ADAM28: variants seen among roughly 807,000 people sequenced by gnomAD.
The protein encoded by ADAM28 is ADAM metallopeptidase domain 28.
Under a neutral mutation model 101.2 loss-of-function variants are expected in ADAM28, and 105 were observed. The observed-to-expected ratio is 1.04, with a 90% CI of 0.89 to 1.22. ADAM28 has a LOEUF of 1.22. ADAM28 is among the 50% of genes most tolerant of loss of function. The pLI, the probability that ADAM28 is intolerant of heterozygous loss-of-function variation, is 0.00. For missense variants in ADAM28, 1,028 were observed against 945.4 expected (o/e 1.09, Z -1.15); for synonymous variants, 322 against 310.6 (o/e 1.04, Z -0.39).
At chr8:24,350,250 G>C (rs541561597) in intron 19 of ADAM28, among the ~76,000 whole-genome samples, 1 of 152,106 alleles carries the variant, frequency 6.6e-6, no homozygotes, top group Admixed American at 6.5e-5. Context: ...TGAATTTGTT[G>C]TAAGAATATA....
chr8:24,308,565 C>G (rs867729239), intron 2 of ADAM28: 4 of 453,128 alleles, frequency 8.8e-6, no homozygotes, highest in African/African-American at 8.0e-5. Flanking sequence ...TCTAGCTAGG[C>G]TTTCTTAATC....
chr8:24,335,518 T>G lies in ADAM28; in HGVS notation c.1444T>G (p.Ser482Ala). ...CDLPEMCNGK[S>A]GNCPDDRFQV... ...CCTGCCTGAAATGTGTAATGGTAAA[T>G]CTGGTAATTGTCCTGATGATAGATT... The change falls in exon 14 of 23, where the codon TCT becomes GCT. Residue 482 changes from serine to alanine, a missense_variant. Transcript: ENST00000265769. The G allele has an allele frequency of 6.2e-7, 1 of 1,614,154 alleles. No individual in the cohort carries two copies. Among genetic ancestry groups the G allele is most frequent in the South Asian group, 1.1e-5 (1 of 91,086 alleles).
At chr8:24,308,575 C>A (rs373928561) in intron 2 of ADAM28, 1 of 455,356 alleles carries the variant, frequency 2.2e-6, no homozygotes, top group East Asian at 7.0e-5. Flanking sequence ...CTTTCTTAAT[C>A]CTGAACAGTA....
chr8:24,324,513 G>T (rs932799919), intron 9 of ADAM28, among the ~76,000 whole-genome samples: 1 of 151,944 alleles, frequency 6.6e-6, no homozygotes, highest in African/African-American at 2.4e-5. Context: ...ATAATATTTA[G>T]TTGAAATCAG....
At chr8:24,319,890 T>A (rs547683679) in intron 6 of ADAM28, among the ~76,000 whole-genome samples, 117 of 152,122 alleles carry the variant, frequency 7.7e-4, no homozygotes, top group Non-Finnish European at 1.3e-3. Flanking sequence ...ACTAGGAGGA[T>A]GCTGAAGTCA....
chr8:24,328,115 A>G (rs1473989656), intron 10 of ADAM28, among the ~76,000 whole-genome samples: 3 of 151,932 alleles, frequency 2.0e-5, no homozygotes, highest in Non-Finnish European at 4.4e-5. Flanking sequence ...AGCACTCTTT[A>G]CTTCTCTATA....
At chr8:24,337,797 A>G (rs1385482211) in intron 14 of ADAM28, among the ~76,000 whole-genome samples, 1 of 152,236 alleles carries the variant, frequency 6.6e-6, no homozygotes, top group African/African-American at 2.4e-5. Context: ...TTGGCATCAA[A>G]TCATTCCCAC....
rs763132667 is a variant in ADAM28, at chr8:24,326,555, G to T, written c.892G>T (p.Ala298Ser). 6.2e-7 allele frequency: 1 copy of T among 1,611,194 alleles called. No individual in the cohort carries two copies. Among genetic ancestry groups the T allele is most frequent in the Non-Finnish European group, 8.5e-7 (1 of 1,178,242 alleles). The change falls in exon 10 of 23, where the codon GCA becomes TCA. Residue 298 changes from alanine to serine, a missense_variant and splice_region_variant. By Grantham distance (99) the Ala-to-Ser change is moderately conservative. Transcript: ENST00000265769. ...KRHDIAQLIT[A>S]TELAGTTVGL... ...CATCAATTTATTCCTTTCTTGCAGA[G>T]CAACAGAACTTGCTGGAACGACTGT... is the stretch of plus-strand genomic sequence containing the variant.
intron 14 of ADAM28, among the ~76,000 whole-genome samples, chr8:24,336,580 C>CAAAA (rs769016133): frequency 6.5e-5 from 4 of 61,642 alleles, no homozygotes; most frequent in East Asian, 4.5e-4. Flanking sequence ...ACTCCGTCTC[C>CAAAA]AAAAAAAAAA....
chr8:24,323,587 T>TGGAGAAAGG (rs1812157456), intron 8 of ADAM28, among the ~76,000 whole-genome samples: 2 of 151,958 alleles, frequency 1.3e-5, no homozygotes, highest in Middle Eastern at 3.4e-3. Context: ...CCTTTTCTCC[T>TGGAGAAAGG]CCCTACCACC....
chr8:24,306,080 T>C (rs1262074742), intron 2 of ADAM28, among the ~76,000 whole-genome samples: 1 of 151,944 alleles, frequency 6.6e-6, no homozygotes, highest in Admixed American at 6.6e-5. Context: ...TGTATAAATA[T>C]GTCCCACACC....
chr8:24,312,330 A>G (rs576088566), intron 5 of ADAM28, among the ~76,000 whole-genome samples: 1 of 152,142 alleles, frequency 6.6e-6, no homozygotes, highest in South Asian at 2.1e-4. Flanking sequence ...GTATAATTAG[A>G]TAATCACTTG....
chr8:24,353,973 C>CTTAT, intron 22 of ADAM28, 141 bp downstream of exon 22: 2 of 558,610 alleles, frequency 3.6e-6, no homozygotes, highest in Non-Finnish European at 6.3e-6. Context: ...ACATGAAAGT[C>CTTAT]TTATTTCTCG....
intron 8 of ADAM28, among the ~76,000 whole-genome samples, chr8:24,322,373 C>G (rs920917064): frequency 5.3e-5 from 8 of 151,968 alleles, no homozygotes; most frequent in Non-Finnish European, 7.4e-5. Flanking sequence ...CTTCAGATTG[C>G]TCTTATAGTC....
intron 12 of ADAM28, 141 bp from the exon 13 acceptor site, chr8:24,332,519 T>G (rs1035079032): frequency 1.0e-5 from 4 of 397,260 alleles, no homozygotes; most frequent in African/African-American, 2.1e-5. Flanking sequence ...GGTTTTCTAA[T>G]TTTTTTTATA....
intron 15 of ADAM28, among the ~76,000 whole-genome samples, chr8:24,340,508 C>A (rs1814634212): frequency 6.6e-6 from 1 of 152,104 alleles, no homozygotes; most frequent in Admixed American, 6.5e-5. Flanking sequence ...GAGAGTGGGT[C>A]TCGCCATCTT....
intron 18 of ADAM28, among the ~76,000 whole-genome samples, chr8:24,347,874 C>T (rs1459136731): frequency 6.6e-6 from 1 of 151,964 alleles, no homozygotes; most frequent in African/African-American, 2.4e-5. Context: ...AACATTTTTC[C>T]ATATTTTCAT....
intron 16 of ADAM28, chr8:24,342,840 AT>A (rs1226028416): frequency 2.3e-6 from 1 of 441,214 alleles, no homozygotes; most frequent in Non-Finnish European, 3.9e-6. Flanking sequence ...AACTTCTTGC[AT>A]AGTCATTGCT....
intron 6 of ADAM28, among the ~76,000 whole-genome samples, chr8:24,317,148 G>C (rs1811262247): frequency 6.6e-6 from 1 of 151,826 alleles, no homozygotes; most frequent in African/African-American, 2.4e-5. Flanking sequence ...ATTCAATGCA[G>C]TCCTTATAAA....
Sources: gnomAD v4.1 joint callset for allele counts (sites outside exome capture counted in the v4.1 genomes callset) on GRCh38, gnomAD v4.1.1 for gene constraint, MANE v1.5 for transcripts, NCBI Gene and HGNC (gene_info 2026-07-23, HGNC 2026-07-21) for gene names.